Variants in TMEM182 observed in about 807,000 individuals in gnomAD.
TMEM182 encodes the protein transmembrane protein 182.
In TMEM182, 20 loss-of-function variants were observed where a neutral mutation model predicts 26.8. The observed-to-expected ratio is 0.75, with a 90% CI of 0.53 to 1.09. TMEM182 has a LOEUF of 1.09. Ranked by LOEUF, TMEM182 falls within the 50% of genes least tolerant of loss-of-function variation. TMEM182 has a pLI of 0.00. For missense variants in TMEM182, 277 were observed against 275.5 expected, an observed-to-expected ratio of 1.01 and a Z score of -0.04; for synonymous variants, 109 against 102.2, an observed-to-expected ratio of 1.07 and a Z score of -0.40.
chr2:102,835,395 T>C (rs1054600294), intron 3 of TMEM182, among the ~76,000 whole-genome samples: 1 of 152,194 alleles, frequency 6.6e-6, no homozygotes, highest in African/African-American at 2.4e-5. Context: ...AGGCACAGCC[T>C]CCTCTGTTAC....
At chr2:102,812,476 A>C (rs930257883) in intron 4 of TMEM182, among the ~76,000 whole-genome samples, 2 of 151,914 alleles carry the variant, frequency 1.3e-5, no homozygotes, top group Non-Finnish European at 2.9e-5. Context: ...ATACAAATTA[A>C]ATGGACAGTA....
At chr2:102,818,530 G>A (rs537424311), downstream of TMEM182, among the ~76,000 whole-genome samples, 2 of 152,286 alleles carry the variant, frequency 1.3e-5, no homozygotes, top group African/African-American at 4.8e-5. Flanking sequence ...ACCTGGACTA[G>A]CCTGTGAGAG....
intron 4 of TMEM182, among the ~76,000 whole-genome samples, chr2:102,799,100 A>G (rs1045637252): frequency 2.0e-5 from 3 of 152,206 alleles, no homozygotes; most frequent in Non-Finnish European, 4.4e-5. Context: ...ATTCTAGAAA[A>G]CTAGCCAAAC....
At chr2:102,810,965 C>T (rs1367198811) in intron 4 of TMEM182, among the ~76,000 whole-genome samples, 1 of 147,242 alleles carries the variant, frequency 6.8e-6, no homozygotes, top group African/African-American at 2.5e-5. Context: ...TGTTGTAAAT[C>T]CTTTTACCTA....
chr2:102,784,819 G>A (rs1472721547), intron 3 of TMEM182, among the ~76,000 whole-genome samples: 1 of 152,136 alleles, frequency 6.6e-6, no homozygotes, highest in Non-Finnish European at 1.5e-5. Flanking sequence ...GTGTAGCAGC[G>A]AGGACAACCA....
At chr2:102,833,486 G>C (rs1388657339) in intron 3 of TMEM182, among the ~76,000 whole-genome samples, 1 of 152,062 alleles carries the variant, frequency 6.6e-6, no homozygotes, top group African/African-American at 2.4e-5. Flanking sequence ...AGAATGGAGT[G>C]CTCCCACACA....
At chr2:102,737,381 TAC>T (rs1357157125) in intron 1 of TMEM182, among the ~76,000 whole-genome samples, 3 of 152,184 alleles carry the variant, frequency 2.0e-5, no homozygotes, top group Admixed American at 2.0e-4. Flanking sequence ...GAGTTGAGAT[TAC>T]AGTCTCATGG....
At chr2:102,769,182 T>C (rs1052143541) in intron 3 of TMEM182, among the ~76,000 whole-genome samples, 1 of 152,184 alleles carries the variant, frequency 6.6e-6, no homozygotes, top group Non-Finnish European at 1.5e-5. Flanking sequence ...TGTTTTGGGC[T>C]GTCTAGCAAC....
At chr2:102,804,903 G>A (rs1276032310) in intron 4 of TMEM182, among the ~76,000 whole-genome samples, 1 of 152,172 alleles carries the variant, frequency 6.6e-6, no homozygotes, top group Admixed American at 6.5e-5. Context: ...ATTTCTAAAA[G>A]TACCTGCTTT....
intron 3 of TMEM182, among the ~76,000 whole-genome samples, chr2:102,787,988 T>TGGTCTTGTTTAAGCCGCCAGGCTGTGG (rs1318188593): frequency 6.6e-6 from 1 of 152,218 alleles, no homozygotes; most frequent in Non-Finnish European, 1.5e-5. Flanking sequence ...ACCAGGAGTC[T>TGGTCTTGTTTAAGCCGCCAGGCTGTGG]TACCTTTCTT....
At chr2:102,796,156 G>A (rs1681859062) in intron 3 of TMEM182, among the ~76,000 whole-genome samples, 1 of 152,118 alleles carries the variant, frequency 6.6e-6, no homozygotes, top group South Asian at 2.1e-4. Context: ...AAAGATTTTT[G>A]CTATTCGCAC....
intron 3 of TMEM182, among the ~76,000 whole-genome samples, chr2:102,780,326 C>A (rs1218018971): frequency 6.6e-6 from 1 of 152,176 alleles, no homozygotes; most frequent in African/African-American, 2.4e-5. Context: ...ATTCCAGGCA[C>A]CCCCTAAGCC....
intron 3 of TMEM182, 33 bp from the exon 4 acceptor site, chr2:102,797,826 TTTTC>T: frequency 6.3e-7 from 1 of 1,590,116 alleles, no homozygotes; most frequent in Non-Finnish European, 8.5e-7. Context: ...CTAAGTGTAT[TTTTC>T]TTTCTTTTCT....
In TMEM182 at chr2:102,815,746, A is replaced by G; in HGVS notation, c.*778A>G. The G allele has an allele frequency of 1.0e-6, 1 of 952,838 alleles. No homozygotes were observed. The highest frequency in any genetic ancestry group is 1.8e-5 in the African/African-American group (1 of 56,594). 59.0% of individuals were successfully genotyped at this position (952,838 alleles called of 1,614,324 possible). A position where few individuals can be genotyped will look rare whatever the true frequency, so the allele number is the denominator to read the frequency against. On this transcript the variant is annotated 3_prime_UTR_variant, in exon 5 of 5. Coordinates refer to ENST00000412401, the MANE Select transcript of TMEM182 (RefSeq NM_144632.5). ...TATTGTTTAAAATATGTAAAAACCA[A>G]GCATTTCCGCTTGGTCCATAATTCT...
intron 3 of TMEM182, among the ~76,000 whole-genome samples, chr2:102,841,743 C>A (rs1412843230): frequency 6.6e-6 from 1 of 152,146 alleles, no homozygotes; most frequent in Non-Finnish European, 1.5e-5. Context: ...AATTTTTGTC[C>A]TATTTTCTGA....
At chr2:102,819,928 T>C (rs986582622), downstream of TMEM182, among the ~76,000 whole-genome samples, 1 of 152,206 alleles carries the variant, frequency 6.6e-6, no homozygotes, top group East Asian at 1.9e-4. Flanking sequence ...GAACTAGTCA[T>C]GTTTTCCCTG....
At chr2:102,759,726 C>T (rs891742871), upstream of TMEM182, among the ~76,000 whole-genome samples, 1 of 152,182 alleles carries the variant, frequency 6.6e-6, no homozygotes, top group Admixed American at 6.5e-5. Flanking sequence ...TCTCACTGAG[C>T]TCAAATTTGT....
At chr2:102,777,757 T>C (rs1680982601) in intron 3 of TMEM182, among the ~76,000 whole-genome samples, 1 of 148,622 alleles carries the variant, frequency 6.7e-6, no homozygotes, top group Non-Finnish European at 1.5e-5. Context: ...TTTTATTTCC[T>C]TTTTTTTTTC....
In TMEM182 at chr2:102,749,275, G is replaced by A. The variant is rs531662341; in HGVS notation, c.-82-9114G>A. Among the ~76,000 whole-genome samples, 24 of 152,248 alleles carry A rather than the reference G, an allele frequency of 1.6e-4. No homozygotes were observed. In the South Asian group the frequency reaches 4.4e-3, roughly 28 times the overall value. ...GAAGTAGTGACACATTCTACAACAT[G>A]AATGAACTGGGGAAAATATTATGCT... On this transcript the variant is annotated intron_variant, in intron 1 of 5. Transcript: ENST00000409173.
Sources: gnomAD v4.1 joint callset for allele counts (sites outside exome capture counted in the v4.1 genomes callset) on GRCh38, gnomAD v4.1.1 for gene constraint, MANE v1.5 for transcripts, NCBI Gene and HGNC (gene_info 2026-07-23, HGNC 2026-07-21) for gene names.